IQCH: variants seen among roughly 807,000 people sequenced by gnomAD.
The protein encoded by IQCH is IQ motif containing H.
IQCH carries 98 observed loss-of-function variants against 117.0 expected under a neutral mutation model. The ratio of observed to expected loss-of-function variants is 0.84; its 90% CI spans 0.71 to 0.99. The LOEUF is 0.99. Ranked by LOEUF, IQCH falls within the 50% of genes least tolerant of loss-of-function variation. The pLI is 0.00. For synonymous variants in IQCH, 412 were observed against 448.2 expected (o/e 0.92, Z 1.02); for missense variants, 1,102 against 1,243.8 (o/e 0.89, Z 1.72).
chr15:67,447,682 TGGGA>T lies in IQCH; in HGVS notation c.2506-17444_2506-17441del, dbSNP rs1222920342. ...GAGGACAGGAGAAGGTGGAAACATC[TGGGA>T]CAAAGCTTTTCTGAGCCACCGGCCC... On this transcript the variant is annotated intron_variant, in intron 16 of 20. Coordinates refer to ENST00000335894, the MANE Select transcript of IQCH (RefSeq NM_001031715.3). The surrounding 1 kb of genome is among the most constrained non-coding windows in gnomAD (Gnocchi z 5.3). 7.7e-4 allele frequency among the ~76,000 whole-genome samples: 117 copies of T among 152,256 alleles called. No homozygotes were observed. The highest frequency in any genetic ancestry group is 2.6e-3 in the African/African-American group (109 of 41,564).
intron 14 of IQCH, among the ~76,000 whole-genome samples, chr15:67,412,605 G>A (rs2081477680): frequency 6.6e-6 from 1 of 151,986 alleles, no homozygotes; most frequent in Non-Finnish European, 1.5e-5. Flanking sequence ...CACCATGTTG[G>A]TCAAGCTGGT....
At chr15:67,341,724 A>C (rs565999512) in intron 5 of IQCH, among the ~76,000 whole-genome samples, 1 of 152,080 alleles carries the variant, frequency 6.6e-6, no homozygotes, top group East Asian at 1.9e-4. Context: ...TAGCTTATTA[A>C]TTAAGTGAGG....
In IQCH at chr15:67,340,728, CACTT is replaced by C. The variant is rs1345682850; in HGVS notation, c.509-3333_509-3330del. On this transcript the variant is annotated intron_variant, in intron 5 of 20. Coordinates refer to ENST00000335894, the MANE Select transcript of IQCH (RefSeq NM_001031715.3). ...TTTATGAATATTCAATTTATATAAA[CACTT>C]ATTTATCTCTACAAGCCAATCAGAA... Among the ~76,000 whole-genome samples, 10 of 152,210 alleles carry C rather than the reference CACTT, an allele frequency of 6.6e-5. No individual in the cohort carries two copies. The South Asian group carries it at 1.2e-3, about 19-fold the overall frequency.
chr15:67,336,365 A>G (rs1968892433), intron 4 of IQCH, among the ~76,000 whole-genome samples: 1 of 152,204 alleles, frequency 6.6e-6, no homozygotes, highest in Non-Finnish European at 1.5e-5. Flanking sequence ...TATGCAATAT[A>G]TGTAATCTTT....
At chr15:67,269,140 A>G (rs1201555599) in intron 3 of IQCH, among the ~76,000 whole-genome samples, 9 of 152,200 alleles carry the variant, frequency 5.9e-5, no homozygotes, top group African/African-American at 1.9e-4. Flanking sequence ...CTGGTAACTG[A>G]TGAAACACAA....
rs1341090191 is a variant in IQCH, at chr15:67,490,008, G to A, written c.2805G>A (p.Arg935=). The A allele has an allele frequency of 6.8e-6, 11 of 1,606,940 alleles. No homozygotes were observed. The highest frequency in any genetic ancestry group is 9.4e-6 in the Non-Finnish European group (11 of 1,174,034). The change falls in exon 19 of 21, where the codon AGG becomes AGA. Residue 935 remains arginine (R), a synonymous_variant. Coordinates refer to ENST00000335894, the MANE Select transcript of IQCH (RefSeq NM_001031715.3). The surrounding 1 kb of genome is among the most constrained non-coding windows in gnomAD (Gnocchi z 4.9). ...AHGIGYDVEE[R]QGTVFILYEH... ...TCCCCATTCAAATTTTACAGGAAAG[G>A]CAAGGAACTGTTTTTATATTATATG...
chr15:67,466,167 G>A lies in IQCH; in HGVS notation c.2676+870G>A, dbSNP rs1258152486. 6.6e-6 allele frequency among the ~76,000 whole-genome samples: 1 copy of A among 152,200 alleles called. No homozygotes were observed. Among genetic ancestry groups the A allele is most frequent in the African/African-American group, 2.4e-5 (1 of 41,446 alleles). On this transcript the variant is annotated intron_variant, in intron 17 of 20. Transcript: ENST00000335894. The surrounding 1 kb of genome is among the most constrained non-coding windows in gnomAD (Gnocchi z 4.4). ...GGGCTGGGGCCAGAGTCCTGGGGCT[G>A]GCTGCGGGTTACCAACCTCAGCACC...
chr15:67,373,633 T>G, intron 10 of IQCH, 200 bp downstream of exon 10: 1 of 662,392 alleles, frequency 1.5e-6, no homozygotes, highest in South Asian at 1.7e-5. Context: ...ATAAAGTCAT[T>G]ATGTGGGGGC....
At chr15:67,291,957 A>AATTCATGTT (rs1219381491) in intron 4 of IQCH, among the ~76,000 whole-genome samples, 3 of 152,172 alleles carry the variant, frequency 2.0e-5, no homozygotes, top group Non-Finnish European at 2.9e-5. Context: ...ATGTCCCCAA[A>AATTCATGTT]ATTCATGTTA....
chr15:67,346,687 A>T (rs1460196929), intron 6 of IQCH, among the ~76,000 whole-genome samples: 1 of 152,204 alleles, frequency 6.6e-6, no homozygotes, highest in Non-Finnish European at 1.5e-5. Context: ...ATAGAAGACT[A>T]TGATAGAACG....
chr15:67,413,043 G>A lies in IQCH; in HGVS notation c.2098-3888G>A, dbSNP rs2081486694. Among the ~76,000 whole-genome samples, 1 of 151,712 alleles carries A rather than the reference G, an allele frequency of 6.6e-6. No individual in the cohort carries two copies. Among genetic ancestry groups the A allele is most frequent in the South Asian group, 2.1e-4 (1 of 4,778 alleles). ...CAAATAGTATTCTAATGATTCACAT[G>A]AATTGGAGTGTTTGTCTGTTATGGA... On this transcript the variant is annotated intron_variant, in intron 14 of 20. Transcript: ENST00000335894. The surrounding 1 kb of genome is among the most constrained non-coding windows in gnomAD (Gnocchi z 5.0).
In IQCH at chr15:67,496,874, C is replaced by T. The variant is rs1030889093; in HGVS notation, c.2970+2508C>T. On this transcript the variant is annotated intron_variant, in intron 20 of 20. Coordinates refer to ENST00000335894, the MANE Select transcript of IQCH (RefSeq NM_001031715.3). The surrounding 1 kb of genome is among the most constrained non-coding windows in gnomAD (Gnocchi z 4.4). The stretch of plus-strand genomic sequence containing the variant: ...TCTACTAAAAATACAAAAAATTAGC[C>T]GGGCACGGTGGCGGGCGCCTGTAGT... 6.6e-6 allele frequency among the ~76,000 whole-genome samples: 1 copy of T among 150,612 alleles called. No homozygotes were observed. Among genetic ancestry groups the T allele is most frequent in the Admixed American group, 6.6e-5 (1 of 15,114 alleles).
Position 67,494,640 on chromosome 15 carries a change from G to A in IQCH, c.2970+274G>A, listed in dbSNP as rs1021572281. Among the ~76,000 whole-genome samples, 3 of 152,164 alleles carry A rather than the reference G, an allele frequency of 2.0e-5. No homozygotes were observed. Among genetic ancestry groups the A allele is most frequent in the African/African-American group, 7.2e-5 (3 of 41,418 alleles). On this transcript the variant is annotated intron_variant, in intron 20 of 20. Coordinates refer to ENST00000335894, the MANE Select transcript of IQCH (RefSeq NM_001031715.3). This position sits in a 1 kb window ranked among gnomAD's most constrained non-coding sequence, Gnocchi z 5.5. ...ATAGCAGATCTTTCTGATGTTGGACGTGAGTCTGAAATGTCACAATGGAAC... is the reference window on the plus strand; with the variant it reads ...ATAGCAGATCTTTCTGATGTTGGACATGAGTCTGAAATGTCACAATGGAAC...
chr15:67,448,684 T>C (rs2082448021), intron 16 of IQCH, among the ~76,000 whole-genome samples: 1 of 152,134 alleles, frequency 6.6e-6, no homozygotes, highest in Non-Finnish European at 1.5e-5. Context: ...GCAATAAACA[T>C]ATGTGTGCAT....
At position 67,481,746 on chromosome 15, in the gene IQCH, C is replaced by A. The variant is rs562248859; in HGVS notation, c.2799+5928C>A. ...AATTTAAGAAGTATCTAGAAAAGAA[C>A]TCCATGTTGTAGCTATTGCTACTTG... On this transcript the variant is annotated intron_variant, in intron 18 of 20. Transcript: ENST00000335894. This position sits in a 1 kb window ranked among gnomAD's most constrained non-coding sequence, Gnocchi z 4.1. Among the ~76,000 whole-genome samples, 7 of 152,300 alleles carry A rather than the reference C, an allele frequency of 4.6e-5. No individual in the cohort carries two copies. Among genetic ancestry groups the A allele is most frequent in the African/African-American group, 1.4e-4 (6 of 41,576 alleles).
chr15:67,434,730 GT>G (rs886804434), intron 16 of IQCH, among the ~76,000 whole-genome samples: 1 of 150,662 alleles, frequency 6.6e-6, no homozygotes. Context: ...GTGTATAAGG[GT>G]TCCCTTTCTC....
Position 67,465,372 on chromosome 15 carries a change from A to G in IQCH, c.2676+75A>G. The stretch of plus-strand genomic sequence containing the variant: ...TGCCACTGCCTGAGCTCTGTCTAGG[A>G]GCCAGGATCTTTGAGTACAGGAAGA... On this transcript the variant is annotated intron_variant, in intron 17 of 20. Coordinates refer to ENST00000335894, the MANE Select transcript of IQCH (RefSeq NM_001031715.3). This position sits in a 1 kb window ranked among gnomAD's most constrained non-coding sequence, Gnocchi z 5.9. The G allele has an allele frequency of 6.8e-7, 1 of 1,467,584 alleles. No homozygotes were observed. The highest frequency in any genetic ancestry group is 1.2e-5 in the South Asian group (1 of 83,548). The allele number at this position is 1,467,584 out of a possible 1,614,324, so 90.9% of individuals were successfully genotyped here.
At chr15:67,312,643 G>A (rs1967654781) in intron 4 of IQCH, among the ~76,000 whole-genome samples, 1 of 152,074 alleles carries the variant, frequency 6.6e-6, no homozygotes, top group Non-Finnish European at 1.5e-5. Flanking sequence ...CCTAATTACT[G>A]TTGCTTTTCT....
intron 16 of IQCH, among the ~76,000 whole-genome samples, chr15:67,435,911 T>C (rs899875792): frequency 4.6e-5 from 7 of 152,156 alleles, no homozygotes; most frequent in Non-Finnish European, 1.0e-4. Flanking sequence ...GCCCATGTTT[T>C]AATCAGGTTA....
Sources: gnomAD v4.1 joint callset for allele counts (sites outside exome capture counted in the v4.1 genomes callset) on GRCh38, gnomAD v4.1.1 for gene constraint, Gnocchi (gnomAD v3.1) non-coding constraint, MANE v1.5 for transcripts, NCBI Gene and HGNC (gene_info 2026-07-23, HGNC 2026-07-21) for gene names.